C1GALT1: variants seen among roughly 807,000 people sequenced by gnomAD.
The protein encoded by C1GALT1 is glycoprotein-N-acetylgalactosamine 3-beta-galactosyltransferase 1.
Under a neutral mutation model 31.0 loss-of-function variants are expected in C1GALT1, and 11 were observed. The observed-to-expected ratio is 0.36, with a 90% CI of 0.22 to 0.59. The LOEUF is 0.59. Ranked by LOEUF, C1GALT1 falls within the 20% of genes least tolerant of loss-of-function variation. The pLI, the probability that C1GALT1 is intolerant of heterozygous loss-of-function variation, is 0.79. For missense variants in C1GALT1, 424 were observed against 425.2 expected (o/e 1.00, Z 0.03); for synonymous variants, 175 against 143.6 (o/e 1.22, Z -1.56).
chr7:7,166,072 C>T (rs1012875121), intron 2 of C1GALT1, among the ~76,000 whole-genome samples: 10 of 152,176 alleles, frequency 6.6e-5, no homozygotes, highest in African/African-American at 2.2e-4. Context: ...CTGTACCAGG[C>T]GTGTTCACGT....
At chr7:7,202,705 G>C (rs554286143) in intron 1 of C1GALT1, among the ~76,000 whole-genome samples, 2 of 152,050 alleles carry the variant, frequency 1.3e-5, no homozygotes, top group African/African-American at 4.8e-5. Flanking sequence ...TGGCTATTCA[G>C]GGTCCCTTAA....
intron 1 of C1GALT1, among the ~76,000 whole-genome samples, chr7:7,222,945 C>CTT (rs34700063): frequency 5.4e-4 from 77 of 143,194 alleles, no homozygotes; most frequent in African/African-American, 2.2e-3. Flanking sequence ...TGTAGTTAAG[C>CTT]TTTTTTTAAA....
chr7:7,205,565 A>G (rs1172566603), intron 1 of C1GALT1, among the ~76,000 whole-genome samples: 2 of 152,200 alleles, frequency 1.3e-5, no homozygotes, highest in East Asian at 3.9e-4. Flanking sequence ...GAAGATGCAC[A>G]TATAGATGGA....
upstream of C1GALT1, among the ~76,000 whole-genome samples, chr7:7,181,726 C>T (rs1302779984): frequency 6.6e-6 from 1 of 152,104 alleles, no homozygotes; most frequent in Admixed American, 6.5e-5. Context: ...TACTAAAGAA[C>T]CGCTTGGATA....
At chr7:7,171,694 G>A (rs933794340) in intron 2 of C1GALT1, among the ~76,000 whole-genome samples, 13 of 151,556 alleles carry the variant, frequency 8.6e-5, no homozygotes, top group Non-Finnish European at 1.9e-4. Context: ...ATGTTTAGTT[G>A]ATTTTTTTGT....
chr7:7,223,233 A>G (rs1436147654), intron 1 of C1GALT1, among the ~76,000 whole-genome samples: 4 of 152,164 alleles, frequency 2.6e-5, no homozygotes, highest in African/African-American at 9.7e-5. Context: ...ATCTTGGCTC[A>G]CTGCAACCTC....
At chr7:7,219,643 T>C (rs1782417191) in intron 1 of C1GALT1, among the ~76,000 whole-genome samples, 1 of 152,228 alleles carries the variant, frequency 6.6e-6, no homozygotes, top group Admixed American at 6.5e-5. Flanking sequence ...AGATTACTTT[T>C]TGAGAGCTGC....
In C1GALT1 at chr7:7,222,357, G is replaced by T. The variant is rs767958552; in HGVS notation, c.-17-11946G>T. Among the ~76,000 whole-genome samples the T allele has an allele frequency of 2.0e-5, 3 of 152,182 alleles. No individual in the cohort carries two copies. The East Asian group carries it at 5.8e-4, about 29-fold the overall frequency. ...AAAATTATTTTTTTAAAGATTGAGA[G>T]ACTTCGTCCAGGAAAGTCTGGACCT... On this transcript the variant is annotated intron_variant, in intron 1 of 3. Transcript: ENST00000436587.
chr7:7,190,270 G>T (rs1433756004), intron 1 of C1GALT1, among the ~76,000 whole-genome samples: 2 of 152,124 alleles, frequency 1.3e-5, no homozygotes, highest in Non-Finnish European at 2.9e-5. Context: ...TAAACATCAG[G>T]CCTGGGCTGA....
chr7:7,182,692 A>T lies in C1GALT1; in HGVS notation c.-146A>T, dbSNP rs1215100880. On this transcript the variant is annotated 5_prime_UTR_variant, in exon 1 of 4. Coordinates refer to ENST00000436587, the MANE Select transcript of C1GALT1 (RefSeq NM_020156.5). ...GCTGCCGGGGAATAATCTGGGCGGC[A>T]GCGGGCGGCCTCGGCTAGCGGCCAC... 3.4e-6 allele frequency: 2 copies of T among 581,554 alleles called. No individual in the cohort carries two copies. The highest frequency in any genetic ancestry group is 2.9e-4 in the East Asian group (2 of 6,984). The allele number at this position is 581,554 out of a possible 1,614,324, so 36.0% of individuals were successfully genotyped here.
intron 1 of C1GALT1, among the ~76,000 whole-genome samples, chr7:7,207,790 G>GC (rs1781816496): frequency 7.6e-6 from 1 of 132,120 alleles, no homozygotes; most frequent in African/African-American, 3.1e-5. Flanking sequence ...TTTTTTCTTT[G>GC]TTTTTTTTTT....
At chr7:7,210,808 T>C (rs1391027137) in intron 1 of C1GALT1, among the ~76,000 whole-genome samples, 3 of 152,232 alleles carry the variant, frequency 2.0e-5, no homozygotes, top group Non-Finnish European at 4.4e-5. Flanking sequence ...ACCCAGTTTC[T>C]AATGGCCTAA....
chr7:7,181,192 A>ATTGCGGAAAGATGGAAGGATG (rs1780576275), upstream of C1GALT1, among the ~76,000 whole-genome samples: 1 of 109,110 alleles, frequency 9.2e-6, no homozygotes, highest in African/African-American at 3.7e-5. Context: ...ATGGCAAGAC[A>ATTGCGGAAAGATGGAAGGATG]TTGCGGAAAG....
chr7:7,213,221 G>A (rs1020842726), intron 1 of C1GALT1, among the ~76,000 whole-genome samples: 1 of 152,132 alleles, frequency 6.6e-6, no homozygotes, highest in Non-Finnish European at 1.5e-5. Context: ...AATATAGCTT[G>A]ATTATAAACC....
intron 1 of C1GALT1, among the ~76,000 whole-genome samples, chr7:7,192,761 A>G (rs539556939): frequency 3.8e-4 from 58 of 152,292 alleles, no homozygotes; most frequent in African/African-American, 1.2e-3. Flanking sequence ...ACTAGTTTAC[A>G]TTCCCAGCAG....
chr7:7,181,269 G>GAAGGATATTGCGGAAAGGTGA (rs1391743432), upstream of C1GALT1, among the ~76,000 whole-genome samples: 1 of 152,116 alleles, frequency 6.6e-6, no homozygotes, highest in African/African-American at 2.4e-5. Context: ...CGGAAAGGTG[G>GAAGGATATTGCGGAAAGGTGA]AGGGGGAGGA....
intron 3 of C1GALT1, among the ~76,000 whole-genome samples, chr7:7,240,047 C>T (rs941177314): frequency 5.9e-5 from 9 of 152,178 alleles, no homozygotes; most frequent in Non-Finnish European, 7.4e-5. Flanking sequence ...GTGGACCTAA[C>T]GTATAAATAA....
intron 1 of C1GALT1, among the ~76,000 whole-genome samples, chr7:7,229,808 G>A (rs531039749): frequency 2.0e-5 from 3 of 152,204 alleles, no homozygotes; most frequent in Non-Finnish European, 4.4e-5. Context: ...GAAAACAGCA[G>A]AAAGACATGG....
intron 2 of C1GALT1, among the ~76,000 whole-genome samples, chr7:7,159,174 G>T (rs1384331297): frequency 6.7e-6 from 1 of 149,624 alleles, no homozygotes; most frequent in Non-Finnish European, 1.5e-5. Flanking sequence ...TCAAATGATT[G>T]TATGCTTTTG....
Sources: allele counts gnomAD v4.1 joint callset (sites outside exome capture counted in the v4.1 genomes callset), GRCh38; gene constraint gnomAD v4.1.1; transcripts MANE v1.5; gene names NCBI Gene and HGNC (gene_info 2026-07-23, HGNC 2026-07-21).